The following FAM83E variants were observed in gnomAD, a reference collection of about 807,000 sequenced individuals.
FAM83E encodes protein FAM83E.
In FAM83E, 29 loss-of-function variants were observed where a neutral mutation model predicts 34.3. The observed-to-expected ratio is 0.85, with a 90% CI of 0.63 to 1.15. FAM83E has a LOEUF of 1.15. Among genes scored for constraint, FAM83E ranks in the 50% most tolerant of loss-of-function variants. The probability of loss-of-function intolerance (pLI) is 0.00; values close to 1 mark genes in which losing one functional copy is unlikely to be tolerated. For synonymous variants in FAM83E, 312 were observed against 311.6 expected (o/e 1.00, Z -0.01); for missense variants, 697 against 685.0 (o/e 1.02, Z -0.20).
intron 6 of FAM83E, 152 bp from the exon 7 acceptor site, chr19:48,601,521 T>C (rs1973815395): frequency 7.2e-7 from 1 of 1,385,158 alleles, no homozygotes. Flanking sequence ...TCCCAGCACT[T>C]TGGGAGGCCG....
intron 5 of FAM83E, chr19:48,607,792 C>T (rs1230989649): frequency 6.4e-6 from 1 of 157,268 alleles, no homozygotes; most frequent in Non-Finnish European, 1.4e-5. Flanking sequence ...GCTATGTTGC[C>T]CAGGGTGGTC....
At chr19:48,604,874 G>C (rs558208394) in intron 5 of FAM83E, among the ~76,000 whole-genome samples, 24 of 151,744 alleles carry the variant, frequency 1.6e-4, no homozygotes, top group African/African-American at 5.6e-4. Flanking sequence ...ACAGAAATTA[G>C]CTGGGTATGG....
Position 48,609,990 on chromosome 19 carries a change from A to G in FAM83E, c.644T>C (p.Val215Ala), listed in dbSNP as rs770089395. 7 of 1,612,134 alleles carry G rather than the reference A, an allele frequency of 4.3e-6. No individual in the cohort carries two copies. The highest frequency in any genetic ancestry group is 5.1e-6 in the Non-Finnish European group (6 of 1,179,966). Reference protein sequence around the residue: ...VNPWNTENVDVRVVRGCSFQS... With the variant: ...VNPWNTENVDARVVRGCSFQS... ...GAAGCTGCAGCCCCGCACGACACGG[A>G]CATCCACGTTCTGTTGGTGTGGGGA... The change falls in exon 5 of 7, where the codon GTC becomes GCC. Residue 215 changes from valine (V) to alanine (A), a missense_variant. Coordinates refer to ENST00000263266, the MANE Select transcript of FAM83E (RefSeq NM_017708.4).
At chr19:48,612,878 G>A in intron 3 of FAM83E, 30 bp downstream of exon 3, 1 of 1,502,214 alleles carries the variant, frequency 6.7e-7, no homozygotes, top group Non-Finnish European at 8.9e-7. Flanking sequence ...CCAGTCTGGT[G>A]AATGGACACA....
Position 48,614,212 on chromosome 19 carries a change from G to C in FAM83E, c.-840C>G. On this transcript the variant is annotated 5_prime_UTR_variant, in exon 3 of 7. Transcript: ENST00000263266. ...CACACTCCTTCCAGCTGCTGCAGTGGAGGGTGAAATGCGCTACAGGGGTCT... is the reference window on the plus strand; with the variant it reads ...CACACTCCTTCCAGCTGCTGCAGTGCAGGGTGAAATGCGCTACAGGGGTCT... The C allele has an allele frequency of 1.0e-6, 1 of 985,620 alleles. No homozygotes were observed. Among genetic ancestry groups the C allele is most frequent in the Non-Finnish European group, 1.2e-6 (1 of 830,108 alleles). The allele number at this position is 985,620 out of a possible 1,614,324, so 61.1% of individuals were successfully genotyped here.
intron 3 of FAM83E, among the ~76,000 whole-genome samples, chr19:48,612,645 G>A (rs368583265): frequency 5.9e-4 from 83 of 140,170 alleles, no homozygotes; most frequent in South Asian, 3.6e-3. Flanking sequence ...CTCGTGATCC[G>A]TCCACCTCGG....
chr19:48,607,277 C>T (rs368994852), intron 5 of FAM83E: 10 of 1,602,054 alleles, frequency 6.2e-6, no homozygotes, highest in East Asian at 4.5e-5. Flanking sequence ...AACAGAGCCC[C>T]GAGCAGCCAG....
In FAM83E at chr19:48,611,871, C is replaced by T. The variant is rs1008226440; in HGVS notation, c.466-1024G>A. ...GCTGTAGGATCAGTGGTGGATGTCC[C>T]GTAGGGCACTGTGGGCAACTGCATT... On this transcript the variant is annotated intron_variant, in intron 3 of 6. Coordinates refer to ENST00000263266, the MANE Select transcript of FAM83E (RefSeq NM_017708.4). Among the ~76,000 whole-genome samples, 12 of 152,248 alleles carry T rather than the reference C, an allele frequency of 7.9e-5. No homozygotes were observed. In the Middle Eastern group the frequency reaches 0.01, roughly 129 times the overall value.
chr19:48,607,746 C>CT (rs34786444), intron 5 of FAM83E: 32,009 of 154,200 alleles, frequency 0.21, 3,259 homozygotes, highest in East Asian at 0.33. Flanking sequence ...TTTTCTTTTC[C>CT]TTTTTTTTTT....
chr19:48,613,504 G>C lies in FAM83E; in HGVS notation c.-132C>G. ...TACGTGGCCATCCGAGGCCTCCGGC[G>C]GGGCCCTGCAGATGTCCAAATGGCT... On this transcript the variant is annotated 5_prime_UTR_variant, in exon 3 of 7. Coordinates refer to ENST00000263266, the MANE Select transcript of FAM83E (RefSeq NM_017708.4). 2.1e-6 allele frequency: 3 copies of C among 1,428,556 alleles called. No individual in the cohort carries two copies. The highest frequency in any genetic ancestry group is 1.8e-6 in the Non-Finnish European group (2 of 1,095,678). The allele number at this position is 1,428,556 out of a possible 1,614,324, so 88.5% of individuals were successfully genotyped here.
At chr19:48,612,810 A>T in intron 3 of FAM83E, 98 bp downstream of exon 3, 2 of 1,338,220 alleles carry the variant, frequency 1.5e-6, no homozygotes, top group Non-Finnish European at 2.0e-6. Context: ...CCTTTAGGGT[A>T]GGGGTGTGCG....
chr19:48,613,248 C>A lies in FAM83E; in HGVS notation c.125G>T (p.Gly42Val), dbSNP rs992516222. The change falls in exon 3 of 7, where the codon GGC (glycine) becomes GTC (valine). Residue 42 changes from glycine to valine, a missense_variant. Coordinates refer to ENST00000263266, the MANE Select transcript of FAM83E (RefSeq NM_017708.4). ...RLALEALLSK[G>V]AEAFQTCVQR... ...CACGCAGGTCTGGAACGCCTCCGCG[C>A]CCTTGCTCAACAGAGCCTCCAGTGC... is the stretch of plus-strand genomic sequence containing the variant. 1 of 1,610,304 alleles carries A rather than the reference C, an allele frequency of 6.2e-7. No individual in the cohort carries two copies. The highest frequency in any genetic ancestry group is 8.5e-7 in the Non-Finnish European group (1 of 1,179,892).
Position 48,610,016 on chromosome 19 carries a change from G to A in FAM83E, c.634-16C>T. On this transcript the variant is annotated splice_polypyrimidine_tract_variant and intron_variant, in intron 4 of 6. Transcript: ENST00000263266. ...CATCCACGTTCTGTTGGTGTGGGGAGTGGAGGGTACACCCTTGCTGAGGCC... is the reference window on the plus strand; with the variant it reads ...CATCCACGTTCTGTTGGTGTGGGGAATGGAGGGTACACCCTTGCTGAGGCC... 1 of 1,609,288 alleles carries A rather than the reference G, an allele frequency of 6.2e-7. No homozygotes were observed. Among genetic ancestry groups the A allele is most frequent in the Non-Finnish European group, 8.5e-7 (1 of 1,179,764 alleles).
Position 48,601,242 on chromosome 19 carries a change from G to GGGGGCA in FAM83E, c.1298_1303dup (p.Leu433_Pro434dup), listed in dbSNP as rs748284026. On this transcript the variant is annotated inframe_insertion, in exon 7 of 7. Transcript: ENST00000263266. ...GGACAGATAGCGGAGGCGGTGGGCG[G>GGGGGCA]GGGGCAGGGGCAGGGCACCGCCCCA... The GGGGGCA allele has an allele frequency of 4.4e-6, 7 of 1,605,844 alleles. No homozygotes were observed. The highest frequency in any genetic ancestry group is 6.0e-6 in the Non-Finnish European group (7 of 1,175,596).
At chr19:48,604,998 C>T (rs1163810928) in intron 5 of FAM83E, among the ~76,000 whole-genome samples, 4 of 131,652 alleles carry the variant, frequency 3.0e-5, no homozygotes, top group Admixed American at 1.7e-4. Context: ...CCAACCTGGG[C>T]GACAGAGCGA....
At chr19:48,609,823 G>A (rs1185430467) in intron 5 of FAM83E, 53 bp downstream of exon 5, 2 of 1,587,462 alleles carry the variant, frequency 1.3e-6, no homozygotes, top group African/African-American at 1.3e-5. Context: ...AGCACACTGA[G>A]GGAAAGTGGG....
At chr19:48,607,520 T>C in intron 5 of FAM83E, 2 of 925,924 alleles carry the variant, frequency 2.2e-6, no homozygotes, top group South Asian at 1.8e-5. Context: ...AGGGGAAGCA[T>C]CCCCAGGCCT....
intron 3 of FAM83E, among the ~76,000 whole-genome samples, chr19:48,612,564 C>G (rs985705703): frequency 6.6e-6 from 1 of 152,038 alleles, no homozygotes; most frequent in African/African-American, 2.4e-5. Context: ...ACACCATGCC[C>G]GGCTAATTTT....
intron 5 of FAM83E, among the ~76,000 whole-genome samples, chr19:48,606,513 T>C (rs1419715312): frequency 1.3e-5 from 2 of 152,206 alleles, no homozygotes; most frequent in African/African-American, 2.4e-5. Flanking sequence ...GGTGTGAGGC[T>C]GAAGTCAAGC....
Sources: allele counts gnomAD v4.1 joint callset (sites outside exome capture counted in the v4.1 genomes callset), GRCh38; gene constraint gnomAD v4.1.1; transcripts MANE v1.5; gene names NCBI Gene and HGNC (gene_info 2026-07-23, HGNC 2026-07-21).